Variants in SLC24A3 observed in about 807,000 individuals in gnomAD.
SLC24A3 encodes the protein solute carrier family 24 member 3.
SLC24A3 carries 28 observed loss-of-function variants against 75.8 expected under a neutral mutation model. That is an observed-to-expected ratio of 0.37 (90% confidence interval 0.27 to 0.51). The LOEUF (loss-of-function observed/expected upper bound fraction) is 0.51. Among genes scored for constraint, SLC24A3 ranks in the 20% least tolerant of loss-of-function variants. SLC24A3 has a pLI of 0.94. For synonymous variants in SLC24A3, 372 were observed against 334.1 expected (o/e 1.11, Z -1.24); for missense variants, 663 against 847.8 (o/e 0.78, Z 2.71).
intron 2 of SLC24A3, among the ~76,000 whole-genome samples, chr20:19,335,599 C>T (rs1985113580): frequency 6.6e-6 from 1 of 152,174 alleles, no homozygotes; most frequent in Non-Finnish European, 1.5e-5. Flanking sequence ...CAGCTCAATG[C>T]CCATATTTGA....
chr20:19,639,992 C>T (rs1417041210), intron 6 of SLC24A3, among the ~76,000 whole-genome samples: 2 of 152,256 alleles, frequency 1.3e-5, no homozygotes, highest in African/African-American at 4.8e-5. Flanking sequence ...CGGAGCGCAG[C>T]CCTGATTCCC....
chr20:19,281,114 G>A, intron 2 of SLC24A3, 27 bp downstream of exon 2: 1 of 1,612,254 alleles, frequency 6.2e-7, no homozygotes, highest in South Asian at 1.1e-5. Context: ...CTCATGGGCA[G>A]CAGCTGTCAT....
intron 2 of SLC24A3, among the ~76,000 whole-genome samples, chr20:19,506,011 C>T (rs2122547524): frequency 6.6e-6 from 1 of 152,312 alleles, no homozygotes; most frequent in East Asian, 1.9e-4. Flanking sequence ...TTGCATATTT[C>T]ATAAGCATCA....
chr20:19,710,193 A>G (rs2032973650), intron 15 of SLC24A3, among the ~76,000 whole-genome samples: 1 of 152,226 alleles, frequency 6.6e-6, no homozygotes, highest in African/African-American at 2.4e-5. Flanking sequence ...TCCTAAAGGA[A>G]TTTGTTGGTT....
At chr20:19,360,700 A>G (rs1188043722) in intron 2 of SLC24A3, among the ~76,000 whole-genome samples, 2 of 152,262 alleles carry the variant, frequency 1.3e-5, no homozygotes, top group African/African-American at 4.8e-5. Context: ...TGTGATTGTC[A>G]ACATCTCAGC....
chr20:19,424,874 T>C (rs4814851), intron 2 of SLC24A3, among the ~76,000 whole-genome samples: 80,775 of 151,938 alleles, frequency 0.53, 21,943 homozygotes, highest in East Asian at 0.92. Flanking sequence ...AACGTATTAT[T>C]TGACACTCAT....
intron 15 of SLC24A3, among the ~76,000 whole-genome samples, chr20:19,710,192 A>G (rs2032973628): frequency 1.3e-5 from 2 of 152,198 alleles, no homozygotes; most frequent in South Asian, 4.1e-4. Context: ...TTCCTAAAGG[A>G]ATTTGTTGGT....
At chr20:19,634,728 T>G (rs2031978189) in intron 6 of SLC24A3, among the ~76,000 whole-genome samples, 1 of 151,708 alleles carries the variant, frequency 6.6e-6, no homozygotes, top group African/African-American at 2.4e-5. Context: ...CAATCTGTGG[T>G]TAGCTGGGTG....
At chr20:19,617,129 A>T (rs1160426070) in intron 6 of SLC24A3, among the ~76,000 whole-genome samples, 1 of 152,220 alleles carries the variant, frequency 6.6e-6, no homozygotes, top group Admixed American at 6.5e-5. Flanking sequence ...AAACAATCTT[A>T]TGAGTCAAAG....
At chr20:19,563,804 A>G (rs774945002) in intron 3 of SLC24A3, among the ~76,000 whole-genome samples, 4 of 152,216 alleles carry the variant, frequency 2.6e-5, no homozygotes, top group African/African-American at 7.2e-5. Context: ...CCAGTCTTGT[A>G]TCTTTTAAAA....
Position 19,441,116 on chromosome 20 carries a change from C to T in SLC24A3, c.272-74372C>T, listed in dbSNP as rs184931270. 7.5e-3 allele frequency among the ~76,000 whole-genome samples: 1,147 copies of T among 152,284 alleles called. 34 individuals are homozygous for T. Among genetic ancestry groups the T allele is most frequent in the Non-Finnish European group, 4.3e-3 (292 of 68,028 alleles). On this transcript the variant is annotated intron_variant, in intron 2 of 16. Transcript: ENST00000328041. ...TGAAACCAAGCTGGAAGCCTTTAGC[C>T]TTCCTGCTGTCTCACCAAGCTAAGG...
At chr20:19,547,813 C>A (rs2030625940) in intron 3 of SLC24A3, among the ~76,000 whole-genome samples, 1 of 152,236 alleles carries the variant, frequency 6.6e-6, no homozygotes, top group African/African-American at 2.4e-5. Flanking sequence ...TGTCTAATAA[C>A]CCTCATCTCT....
intron 1 of SLC24A3, among the ~76,000 whole-genome samples, chr20:19,256,768 CAAAAAAA>C (rs11475395): frequency 1.2e-5 from 1 of 80,306 alleles, no homozygotes; most frequent in East Asian, 2.9e-4. Context: ...GACGTTGTCT[CAAAAAAA>C]AAAAAAAAAA....
intron 3 of SLC24A3, among the ~76,000 whole-genome samples, chr20:19,550,149 G>C (rs2030667019): frequency 6.6e-6 from 1 of 152,086 alleles, no homozygotes; most frequent in Admixed American, 6.5e-5. Flanking sequence ...TACTAAATTT[G>C]GTCATAAAAA....
chr20:19,499,335 A>G (rs922851613), intron 2 of SLC24A3, among the ~76,000 whole-genome samples: 4 of 152,208 alleles, frequency 2.6e-5, no homozygotes, highest in Non-Finnish European at 5.9e-5. Context: ...TCTGGAAGCT[A>G]GAAGTCTGAG....
At chr20:19,519,346 T>C (rs2030059586) in intron 3 of SLC24A3, among the ~76,000 whole-genome samples, 1 of 152,208 alleles carries the variant, frequency 6.6e-6, no homozygotes, top group Non-Finnish European at 1.5e-5. Context: ...TGTAGATACT[T>C]CCCTGTTTTG....
At chr20:19,380,638 A>T (rs1029950717) in intron 2 of SLC24A3, among the ~76,000 whole-genome samples, 1 of 152,106 alleles carries the variant, frequency 6.6e-6, no homozygotes, top group Non-Finnish European at 1.5e-5. Context: ...GCCTCTGAGG[A>T]AAAGCACTGG....
intron 2 of SLC24A3, among the ~76,000 whole-genome samples, chr20:19,498,110 C>T (rs1401692451): frequency 6.6e-6 from 1 of 152,130 alleles, no homozygotes; most frequent in Non-Finnish European, 1.5e-5. Flanking sequence ...TTGCACACTC[C>T]TCATGAAATT....
intron 3 of SLC24A3, among the ~76,000 whole-genome samples, chr20:19,546,578 C>T (rs949842618): frequency 2.0e-5 from 3 of 152,154 alleles, no homozygotes; most frequent in Admixed American, 6.5e-5. Context: ...ATGTTGACAA[C>T]TGGACAGCAT....
Sources: gnomAD v4.1 joint callset for allele counts (sites outside exome capture counted in the v4.1 genomes callset) on GRCh38, gnomAD v4.1.1 for gene constraint, MANE v1.5 for transcripts, NCBI Gene and HGNC (gene_info 2026-07-23, HGNC 2026-07-21) for gene names.